Variants in FNDC3B observed in about 807,000 individuals in gnomAD.
The protein encoded by FNDC3B is fibronectin type III domain-containing protein 3B.
FNDC3B carries 12 observed loss-of-function variants against 151.5 expected under a neutral mutation model. The observed-to-expected ratio is 0.08, with a 90% confidence interval of 0.05 to 0.13. The LOEUF (loss-of-function observed/expected upper bound fraction) is 0.13. Ranked by LOEUF, FNDC3B falls within the 10% of genes least tolerant of loss-of-function variation. The probability of loss-of-function intolerance (pLI) is 1.00; values close to 1 mark genes in which losing one functional copy is unlikely to be tolerated. For synonymous variants in FNDC3B, 528 were observed against 549.0 expected, an observed-to-expected ratio of 0.96 and a Z score of 0.54; for missense variants, 1,214 against 1,505.3, an observed-to-expected ratio of 0.81 and a Z score of 3.20.
At chr3:172,308,215 A>G (rs1731290637) in intron 10 of FNDC3B, among the ~76,000 whole-genome samples, 1 of 152,216 alleles carries the variant, frequency 6.6e-6, no homozygotes, top group Admixed American at 6.5e-5. Context: ...ACTGAATTAT[A>G]TATTTTCATG....
intron 10 of FNDC3B, among the ~76,000 whole-genome samples, chr3:172,308,931 A>G (rs1490393648): frequency 2.6e-5 from 4 of 152,172 alleles, no homozygotes; most frequent in Admixed American, 6.5e-5. Flanking sequence ...TCTTTAGATG[A>G]CCTGAGGGAT....
Position 172,354,869 on chromosome 3 carries a change from C to CT in FNDC3B, c.2795+1802dup, listed in dbSNP as rs770411626. On this transcript the variant is annotated intron_variant, in intron 22 of 25. Coordinates refer to ENST00000415807, the MANE Select transcript of FNDC3B (RefSeq NM_022763.4). The stretch of plus-strand genomic sequence containing the variant: ...AGACTTGTTTCTTTTGTTTGATTTT[C>CT]TTTTTTTTTTTTTTTTAAGCCTTCA... 4.3e-3 allele frequency among the ~76,000 whole-genome samples: 549 copies of CT among 129,054 alleles called. 1 individual carries two copies. The highest frequency in any genetic ancestry group is 0.012 in the African/African-American group (416 of 35,846). The allele number at this position is 129,054 out of a possible 152,430, so 84.7% of individuals were successfully genotyped here.
At chr3:172,101,495 T>G (rs934445932) in intron 1 of FNDC3B, among the ~76,000 whole-genome samples, 1 of 152,254 alleles carries the variant, frequency 6.6e-6, no homozygotes, top group Non-Finnish European at 1.5e-5. Flanking sequence ...GTTGATTACC[T>G]TTTTTCAAGT....
chr3:172,297,144 T>A (rs1402397722), intron 8 of FNDC3B, among the ~76,000 whole-genome samples: 2 of 151,992 alleles, frequency 1.3e-5, no homozygotes, highest in African/African-American at 2.4e-5. Flanking sequence ...ATTCTTTGAA[T>A]TTTTTTTCAA....
intron 1 of FNDC3B, among the ~76,000 whole-genome samples, chr3:172,070,299 C>G (rs1255159563): frequency 6.7e-6 from 1 of 148,836 alleles, no homozygotes; most frequent in African/African-American, 2.4e-5. Flanking sequence ...TAGAGTGCAA[C>G]CTTTCGAAAG....
At chr3:172,292,696 T>C (rs1276178013) in intron 7 of FNDC3B, among the ~76,000 whole-genome samples, 1 of 152,206 alleles carries the variant, frequency 6.6e-6, no homozygotes, top group Non-Finnish European at 1.5e-5. Context: ...TGTTTTCCAG[T>C]ACCTAATGAG....
chr3:172,223,522 T>C (rs1726395131), intron 3 of FNDC3B, among the ~76,000 whole-genome samples: 1 of 152,206 alleles, frequency 6.6e-6, no homozygotes, highest in African/African-American at 2.4e-5. Context: ...CTTTAAAGCA[T>C]TTTACACAAA....
chr3:172,081,732 A>G (rs561265954), intron 1 of FNDC3B, among the ~76,000 whole-genome samples: 1 of 152,338 alleles, frequency 6.6e-6, no homozygotes, highest in Admixed American at 6.5e-5. Flanking sequence ...AACAGGTGAC[A>G]GATTTGGTAT....
At chr3:172,047,601 C>T (rs978228065) in intron 1 of FNDC3B, among the ~76,000 whole-genome samples, 3 of 151,648 alleles carry the variant, frequency 2.0e-5, no homozygotes, top group African/African-American at 7.3e-5. Flanking sequence ...TACAGGAGCC[C>T]CTGGAAAGTC....
chr3:172,281,213 TTATATTTATTTATTTATTTATTTA>T (rs1232520875), intron 6 of FNDC3B, among the ~76,000 whole-genome samples: 5 of 104,244 alleles, frequency 4.8e-5, no homozygotes, highest in African/African-American at 2.0e-4. Context: ...TTATTATTAT[TTATATTTATTTATTTATTTATTTA>T]TTTATTTATT....
At chr3:172,174,897 TGA>T (rs1407785073) in intron 3 of FNDC3B, among the ~76,000 whole-genome samples, 3 of 144,336 alleles carry the variant, frequency 2.1e-5, no homozygotes, top group Admixed American at 7.1e-5. Flanking sequence ...GCCAAATTGC[TGA>T]TTCTCTGTGG....
At position 172,307,511 on chromosome 3, in the gene FNDC3B, T is replaced by C; in HGVS notation, c.1200+10T>C. On this transcript the variant is annotated intron_variant, in intron 10 of 25. Coordinates refer to ENST00000415807, the MANE Select transcript of FNDC3B (RefSeq NM_022763.4). ...AACCCTGCAGTGGAAGGTGGGTAGC[T>C]CAAAGCATCAAGAATCGTCTCAATT... 1 of 1,613,810 alleles carries C rather than the reference T, an allele frequency of 6.2e-7. No homozygotes were observed. Among genetic ancestry groups the C allele is most frequent in the Non-Finnish European group, 8.5e-7 (1 of 1,179,852 alleles).
chr3:172,116,422 G>A (rs1720250157), intron 2 of FNDC3B, among the ~76,000 whole-genome samples: 1 of 152,024 alleles, frequency 6.6e-6, no homozygotes, highest in Non-Finnish European at 1.5e-5. Flanking sequence ...CCTATTTCCT[G>A]TTTCTCTCTC....
At position 172,291,958 on chromosome 3, in the gene FNDC3B, G is replaced by A. The variant is rs368150776; in HGVS notation, c.850-3405G>A. ...CCTAGAGTTCCAAATCTCTCATTAA[G>A]GCATTACCTCCCAGGACACTTGGAG... On this transcript the variant is annotated intron_variant, in intron 7 of 25. Coordinates refer to ENST00000415807, the MANE Select transcript of FNDC3B (RefSeq NM_022763.4). Among the ~76,000 whole-genome samples the A allele has an allele frequency of 2.6e-5, 4 of 152,226 alleles. No individual in the cohort carries two copies. The East Asian group carries it at 7.7e-4, about 29-fold the overall frequency.
chr3:172,238,219 C>CA (rs1414654925), intron 4 of FNDC3B, among the ~76,000 whole-genome samples: 4 of 152,154 alleles, frequency 2.6e-5, no homozygotes, highest in Non-Finnish European at 5.9e-5. Flanking sequence ...TGCTCTGTCA[C>CA]CCAGGTGGAG....
chr3:172,344,005 T>C, intron 18 of FNDC3B, 81 bp from the exon 19 acceptor site: 3 of 1,358,204 alleles, frequency 2.2e-6, no homozygotes, highest in African/African-American at 1.4e-5. Flanking sequence ...GATATTTTGC[T>C]CAACTTGTGT....
intron 1 of FNDC3B, among the ~76,000 whole-genome samples, chr3:172,088,704 A>G (rs1260167345): frequency 6.6e-6 from 1 of 152,236 alleles, no homozygotes; most frequent in Non-Finnish European, 1.5e-5. Flanking sequence ...TGCCAGTGTT[A>G]CACTTATAAA....
chr3:172,378,572 A>T, intron 24 of FNDC3B, 136 bp downstream of exon 24: 1 of 843,982 alleles, frequency 1.2e-6, no homozygotes, highest in Non-Finnish European at 1.7e-6. Flanking sequence ...AAGAAGATTG[A>T]GCAATGATGG....
intron 25 of FNDC3B, among the ~76,000 whole-genome samples, chr3:172,386,551 G>T (rs1310674829): frequency 1.3e-5 from 2 of 152,044 alleles, no homozygotes; most frequent in Non-Finnish European, 2.9e-5. Flanking sequence ...GACCATCCTG[G>T]CTAACACAGT....
Sources: allele counts gnomAD v4.1 joint callset (sites outside exome capture counted in the v4.1 genomes callset), GRCh38; gene constraint gnomAD v4.1.1; transcripts MANE v1.5; gene names NCBI Gene and HGNC (gene_info 2026-07-23, HGNC 2026-07-21).